The following GPX6 variants were observed in gnomAD, a reference collection of about 807,000 sequenced individuals.
GPX6 encodes the protein glutathione peroxidase 6 (olfactory).
Under a neutral mutation model 20.0 loss-of-function variants are expected in GPX6, and 21 were observed. The ratio of observed to expected loss-of-function variants is 1.05; its 90% CI spans 0.74 to 1.51. The LOEUF is 1.51. GPX6 is among the 40% of genes most tolerant of loss of function. The probability of loss-of-function intolerance (pLI) is 0.00; values close to 1 mark genes in which losing one functional copy is unlikely to be tolerated. For synonymous variants in GPX6, 75 were observed against 98.0 expected (o/e 0.77, Z 1.38); for missense variants, 233 against 254.7 (o/e 0.91, Z 0.58).
chr6:28,513,436 T>G (rs1445722015), intron 1 of GPX6, among the ~76,000 whole-genome samples: 2 of 152,210 alleles, frequency 1.3e-5, no homozygotes, highest in Non-Finnish European at 2.9e-5. Flanking sequence ...CGTACAGGTT[T>G]GAGCGGCGGG....
Position 28,505,695 on chromosome 6 carries a change from T to A in GPX6, c.459+8A>T. On this transcript the variant is annotated splice_region_variant and intron_variant, in intron 4 of 4. Transcript: ENST00000361902. The stretch of plus-strand genomic sequence containing the variant: ...TAACCCATCCATGCCAGGTTTATAC[T>A]CATGCACCTTCAGGAAAGTAAAGAC... 1 of 1,607,562 alleles carries A rather than the reference T, an allele frequency of 6.2e-7. No individual in the cohort carries two copies. Among genetic ancestry groups the A allele is most frequent in the South Asian group, 1.1e-5 (1 of 90,938 alleles).
chr6:28,514,509 G>A (rs781760325), intron 1 of GPX6, among the ~76,000 whole-genome samples: 3 of 152,222 alleles, frequency 2.0e-5, no homozygotes, highest in Non-Finnish European at 4.4e-5. Flanking sequence ...TTTCTGGAAA[G>A]TAAGTAAGTA....
rs150928697 is a variant in GPX6 at position 28,505,230 on chromosome 6, C to T, written c.459+473G>A. Among the ~76,000 whole-genome samples the T allele has an allele frequency of 8.7e-4, 133 of 152,258 alleles. 1 individual carries two copies. In the South Asian group the frequency reaches 0.011, roughly 13 times the overall value. On this transcript the variant is annotated intron_variant, in intron 4 of 4. Transcript: ENST00000361902. Reference sequence around the variant, plus strand: ...TGGATGAGTGAAAATTTCAGCAGGACCAGCATTGTTCTGCAGACCAGCATT... The same window carrying T: ...TGGATGAGTGAAAATTTCAGCAGGATCAGCATTGTTCTGCAGACCAGCATT...
At chr6:28,514,570 A>G (rs1017168603) in intron 1 of GPX6, among the ~76,000 whole-genome samples, 3 of 152,174 alleles carry the variant, frequency 2.0e-5, no homozygotes, top group African/African-American at 4.8e-5. Context: ...ATATGAATCC[A>G]GTAACAGAGA....
chr6:28,507,811 C>T (rs1278264447), intron 2 of GPX6, among the ~76,000 whole-genome samples: 1 of 152,122 alleles, frequency 6.6e-6, no homozygotes, highest in African/African-American at 2.4e-5. Flanking sequence ...AAGAGTGATC[C>T]GGCCACCTTG....
rs375816003 is a variant in GPX6, at chr6:28,504,250, G to A, written c.*42C>T. On this transcript the variant is annotated 3_prime_UTR_variant, in exon 5 of 5. Coordinates refer to ENST00000361902, the MANE Select transcript of GPX6 (RefSeq NM_182701.1). ...GATGCTTTGTTAGACATTCCTGCAGGTGGGAGACAGGGTAGTTATTTCTGT... is the reference window on the plus strand; with the variant it reads ...GATGCTTTGTTAGACATTCCTGCAGATGGGAGACAGGGTAGTTATTTCTGT... 2 of 1,560,350 alleles carry A rather than the reference G, an allele frequency of 1.3e-6. No individual in the cohort carries two copies. The highest frequency in any genetic ancestry group is 1.8e-6 in the Non-Finnish European group (2 of 1,132,224).
chr6:28,515,503 C>T (rs1763008277), intron 1 of GPX6, among the ~76,000 whole-genome samples, 154 bp downstream of exon 1: 1 of 152,178 alleles, frequency 6.6e-6, no homozygotes, highest in Non-Finnish European at 1.5e-5. Context: ...TAGGGAGAGC[C>T]TGCTAAGGAT....
chr6:28,504,127 T>A lies in GPX6; in HGVS notation c.*165A>T. 1.8e-6 allele frequency: 1 copy of A among 562,192 alleles called. No homozygotes were observed. Among genetic ancestry groups the A allele is most frequent in the East Asian group, 3.7e-5 (1 of 27,118 alleles). 34.8% of individuals were successfully genotyped at this position (562,192 alleles called of 1,614,324 possible). On this transcript the variant is annotated 3_prime_UTR_variant, in exon 5 of 5. Coordinates refer to ENST00000361902, the MANE Select transcript of GPX6 (RefSeq NM_182701.1). ...ACACACACACACACACACACACAGCTACACACACATGCTAAGCAGGTGCTT... is the reference window on the plus strand; with the variant it reads ...ACACACACACACACACACACACAGCAACACACACATGCTAAGCAGGTGCTT...
intron 1 of GPX6, 50 bp downstream of exon 1, chr6:28,515,607 G>A (rs1289478643): frequency 7.1e-7 from 1 of 1,417,212 alleles, no homozygotes; most frequent in Non-Finnish European, 1.0e-6. Context: ...TGGCAGCCAG[G>A]TTGGTCATCA....
chr6:28,512,901 A>G (rs1237785413), intron 1 of GPX6, among the ~76,000 whole-genome samples: 3 of 152,164 alleles, frequency 2.0e-5, no homozygotes, highest in East Asian at 1.9e-4. Context: ...CTCTTGAGCC[A>G]GCAAGACCAC....
chr6:28,510,224 C>A (rs574135640), intron 2 of GPX6, among the ~76,000 whole-genome samples: 10 of 152,200 alleles, frequency 6.6e-5, no homozygotes, highest in Admixed American at 2.0e-4. Context: ...CCACCCTATT[C>A]TTGCCAATAT....
intron 1 of GPX6, among the ~76,000 whole-genome samples, chr6:28,513,358 C>T (rs944546200): frequency 6.6e-6 from 1 of 152,180 alleles, no homozygotes; most frequent in Non-Finnish European, 1.5e-5. Flanking sequence ...TGTAAACATT[C>T]ACTCCTAGAC....
intron 1 of GPX6, among the ~76,000 whole-genome samples, chr6:28,512,579 T>A (rs946369274): frequency 6.6e-6 from 1 of 152,160 alleles, no homozygotes; most frequent in African/African-American, 2.4e-5. Flanking sequence ...ATCAGCAGGA[T>A]GTGGGTGTGG....
Position 28,515,765 on chromosome 6 carries a change from C to T in GPX6, c.-22G>A. On this transcript the variant is annotated 5_prime_UTR_variant, in exon 1 of 5. Coordinates refer to ENST00000361902, the MANE Select transcript of GPX6 (RefSeq NM_182701.1). Reference sequence around the variant, plus strand: ...ACATGGCTAGGAGTTTTAGACGACTCTGAGGTCCCCAGGATTTCAGCCCCT... The same window carrying T: ...ACATGGCTAGGAGTTTTAGACGACTTTGAGGTCCCCAGGATTTCAGCCCCT... 6.3e-7 allele frequency: 1 copy of T among 1,595,656 alleles called. No individual in the cohort carries two copies. The highest frequency in any genetic ancestry group is 8.6e-7 in the Non-Finnish European group (1 of 1,163,618).
intron 2 of GPX6, among the ~76,000 whole-genome samples, chr6:28,509,427 G>T (rs566036334): frequency 5.3e-5 from 8 of 151,576 alleles, no homozygotes; most frequent in Non-Finnish European, 1.2e-4. Flanking sequence ...ACAGCTACTC[G>T]GGAGGCTGAG....
chr6:28,512,848 C>T (rs780127846), intron 1 of GPX6, among the ~76,000 whole-genome samples: 4 of 152,078 alleles, frequency 2.6e-5, no homozygotes, highest in Non-Finnish European at 4.4e-5. Context: ...GTAACACTGA[C>T]CGCGAGGCTT....
intron 1 of GPX6, among the ~76,000 whole-genome samples, chr6:28,513,170 AC>A: frequency 6.6e-6 from 1 of 152,270 alleles, no homozygotes; most frequent in South Asian, 2.1e-4. Context: ...AAAACCTTGC[AC>A]TTATTCTCCA....
At chr6:28,512,546 T>C (rs1296067461) in intron 1 of GPX6, among the ~76,000 whole-genome samples, 2 of 152,160 alleles carry the variant, frequency 1.3e-5, no homozygotes, top group Non-Finnish European at 2.9e-5. Context: ...AACAGACCAC[T>C]CGGCTCTCTG....
In GPX6 at chr6:28,510,820, G is replaced by T; in HGVS notation, c.172C>A (p.Gln58Lys). Residue 58 changes from glutamine (Q) to lysine (K), a missense_variant, in exon 2 of 5, where the codon CAG (glutamine) becomes AAG (lysine). Physicochemically the swap from Gln to Lys is moderately conservative, Grantham distance 53 (BLOSUM62 1). Transcript: ENST00000361902. ...LNGEEYIQFK[Q>K]FAGKHVLFVN... ...AACAGGACGTGCTTGCCTGCAAACT[G>T]CTTGAATTGGATGTACTCCTCGCCG... The T allele has an allele frequency of 6.2e-7, 1 of 1,614,074 alleles. No homozygotes were observed.
Sources: gnomAD v4.1 joint callset for allele counts (sites outside exome capture counted in the v4.1 genomes callset) on GRCh38, gnomAD v4.1.1 for gene constraint, MANE v1.5 for transcripts, NCBI Gene and HGNC (gene_info 2026-07-23, HGNC 2026-07-21) for gene names.